PTBP2: variants seen among roughly 807,000 people sequenced by gnomAD.
PTBP2 encodes the protein polypyrimidine tract binding protein 2.
A neutral mutation model predicts 61.4 loss-of-function variants in PTBP2; 13 were observed. The ratio of observed to expected loss-of-function variants is 0.21; its 90% confidence interval spans 0.14 to 0.34. PTBP2 has a LOEUF of 0.34. PTBP2 is among the 10% of genes least tolerant of loss of function. The pLI, the probability that PTBP2 is intolerant of heterozygous loss-of-function variation, is 1.00. For synonymous variants in PTBP2, 215 were observed against 218.5 expected, an observed-to-expected ratio of 0.98 and a Z score of 0.14; for missense variants, 405 against 642.6, an observed-to-expected ratio of 0.63 and a Z score of 4.00.
At chr1:96,799,497 C>T (rs1424608771) in intron 8 of PTBP2, among the ~76,000 whole-genome samples, 2 of 151,786 alleles carry the variant, frequency 1.3e-5, no homozygotes, top group South Asian at 2.1e-4. Context: ...GGGGTTTCAT[C>T]GTGTTAGCCA....
At chr1:96,791,826 C>CTTTTTTTTGTCTTTTTTTTG (rs1482989030) in intron 8 of PTBP2, among the ~76,000 whole-genome samples, 2 of 66,128 alleles carry the variant, frequency 3.0e-5, no homozygotes, top group Non-Finnish European at 5.2e-5. Flanking sequence ...TGGAGTTGTG[C>CTTTTTTTTGTCTTTTTTTTG]TTTTTTTTTT....
intron 5 of PTBP2, among the ~76,000 whole-genome samples, chr1:96,772,437 A>C (rs1657487094): frequency 1.3e-5 from 2 of 152,098 alleles, no homozygotes; most frequent in Non-Finnish European, 2.9e-5. Context: ...GGGGTTGAGG[A>C]CCAAATGTCT....
At chr1:96,765,800 A>G (rs1010417280) in intron 3 of PTBP2, among the ~76,000 whole-genome samples, 3 of 152,204 alleles carry the variant, frequency 2.0e-5, no homozygotes, top group African/African-American at 7.2e-5. Flanking sequence ...AAAGATAGGT[A>G]GAGTATCGGA....
At chr1:96,815,944 T>G (rs970728181), downstream of PTBP2, 2 of 152,212 alleles carry the variant, frequency 1.3e-5, no homozygotes, top group African/African-American at 4.8e-5. Context: ...ACAAAGCTTC[T>G]CAAGGTGAAG....
chr1:96,770,948 C>G (rs1657308311), intron 5 of PTBP2, 97 bp downstream of exon 5: 1 of 1,003,762 alleles, frequency 1.0e-6, no homozygotes, highest in Non-Finnish European at 1.5e-6. Flanking sequence ...TCAGATGTTC[C>G]TTATAGGCAT....
At chr1:96,775,446 AG>A (rs1460416329) in intron 5 of PTBP2, among the ~76,000 whole-genome samples, 1 of 152,214 alleles carries the variant, frequency 6.6e-6, no homozygotes, top group East Asian at 1.9e-4. Context: ...AATATTGTAT[AG>A]TAATAAAAAT....
intron 11 of PTBP2, among the ~76,000 whole-genome samples, chr1:96,811,728 A>T (rs1180272260): frequency 6.6e-6 from 1 of 152,116 alleles, no homozygotes; most frequent in Non-Finnish European, 1.5e-5. Flanking sequence ...TACTGTTAAT[A>T]CTTTATTATC....
In PTBP2 at chr1:96,785,134, G is replaced by A; in HGVS notation, c.784G>A (p.Val262Ile). Residue 262 changes from valine (V) to isoleucine (I), a missense_variant, in exon 8 of 14, where the codon GTA (valine) becomes ATA (isoleucine). Coordinates refer to ENST00000674951, the MANE Select transcript of PTBP2 (RefSeq NM_021190.4). Reference protein sequence around the residue: ...IDFSKLVNLNVKYNNDKSRDY... With the variant: ...IDFSKLVNLNIKYNNDKSRDY... ...TTTTTCCAAACTTGTGAATTTGAATGTAAAATACAACAATGATAAAAGTAG... is the reference window on the plus strand; with the variant it reads ...TTTTTCCAAACTTGTGAATTTGAATATAAAATACAACAATGATAAAAGTAG... 1 of 1,609,682 alleles carries A rather than the reference G, an allele frequency of 6.2e-7. No individual in the cohort carries two copies. Among genetic ancestry groups the A allele is most frequent in the Non-Finnish European group, 8.5e-7 (1 of 1,177,250 alleles).
intron 8 of PTBP2, among the ~76,000 whole-genome samples, chr1:96,789,308 C>G (rs114277419): frequency 2.3e-3 from 346 of 152,172 alleles, no homozygotes; most frequent in African/African-American, 7.9e-3. Flanking sequence ...TAATTGTGAA[C>G]AGATACAACA....
intron 8 of PTBP2, among the ~76,000 whole-genome samples, chr1:96,798,643 A>G (rs1159176776): frequency 6.6e-6 from 1 of 152,218 alleles, no homozygotes; most frequent in East Asian, 1.9e-4. Flanking sequence ...AGGAGACAAG[A>G]TGATTAAATG....
chr1:96,731,118 C>G (rs1362509541), intron 2 of PTBP2, among the ~76,000 whole-genome samples: 1 of 152,102 alleles, frequency 6.6e-6, no homozygotes, highest in African/African-American at 2.4e-5. Context: ...AGTTACTGGA[C>G]ATACCACAAT....
chr1:96,821,402 A>C (rs1662679069), exon 14 of PTBP2: 1 of 151,640 alleles, frequency 6.6e-6, no homozygotes, highest in Admixed American at 6.6e-5. Context: ...CCTGCAGTTA[A>C]CTTTATACAG....
intron 5 of PTBP2, among the ~76,000 whole-genome samples, chr1:96,774,809 A>T (rs1444583330): frequency 6.6e-6 from 1 of 152,212 alleles, no homozygotes; most frequent in Non-Finnish European, 1.5e-5. Flanking sequence ...GTTCATGCTC[A>T]GGCTAAAGGC....
Position 96,770,756 on chromosome 1 carries a change from T to C in PTBP2, c.337T>C (p.Tyr113His). 1 of 1,611,728 alleles carries C rather than the reference T, an allele frequency of 6.2e-7. No homozygotes were observed. The highest frequency in any genetic ancestry group is 8.5e-7 in the Non-Finnish European group (1 of 1,178,010). Residue 113 changes from tyrosine to histidine, a missense_variant, in exon 5 of 14, where the codon TAC (tyrosine) becomes CAC (histidine). This residue lies in a region of PTBP2 where 342 missense variants were observed against 491.2 expected (regional missense o/e 0.70). Transcript: ENST00000674951. ...GGAAGCAGCTATTACTATGGTTAAT[T>C]ACTATTCTGCTGTGACACCTCATCT... ...TEEAAITMVN[Y>H]YSAVTPHLRN...
intron 5 of PTBP2, among the ~76,000 whole-genome samples, chr1:96,772,461 A>G (rs928836244): frequency 6.6e-6 from 1 of 152,126 alleles, no homozygotes; most frequent in Non-Finnish European, 1.5e-5. Context: ...TTACAATGTC[A>G]CAATACAGTA....
At chr1:96,755,030 G>T (rs1655000328) in intron 3 of PTBP2, among the ~76,000 whole-genome samples, 1 of 152,096 alleles carries the variant, frequency 6.6e-6, no homozygotes. Flanking sequence ...CCATTCAAAA[G>T]AAACTGCTAG....
chr1:96,818,475 C>T (rs967356420), downstream of PTBP2: 11 of 152,008 alleles, frequency 7.2e-5, no homozygotes, highest in Non-Finnish European at 1.3e-4. Flanking sequence ...TCTCTAATAT[C>T]TAGACTAGCC....
downstream of PTBP2, chr1:96,818,628 T>C (rs1381413935): frequency 2.0e-5 from 3 of 152,088 alleles, no homozygotes; most frequent in Admixed American, 2.0e-4. Flanking sequence ...TTTGACAAGA[T>C]TGGCAGGTGA....
At chr1:96,775,102 C>T (rs1475090681) in intron 5 of PTBP2, among the ~76,000 whole-genome samples, 1 of 151,964 alleles carries the variant, frequency 6.6e-6, no homozygotes, top group Non-Finnish European at 1.5e-5. Context: ...CCCTGATAAG[C>T]AAAGAGTAGA....
Sources: gnomAD v4.1 joint callset for allele counts (sites outside exome capture counted in the v4.1 genomes callset) on GRCh38, gnomAD v4.1.1 for gene constraint, gnomAD v4.1.1 regional missense constraint, MANE v1.5 for transcripts, NCBI Gene and HGNC (gene_info 2026-07-23, HGNC 2026-07-21) for gene names.